The following MIPOL1 variants were observed in gnomAD, a reference collection of about 807,000 sequenced individuals.
The protein encoded by MIPOL1 is mirror-image polydactyly gene 1 protein.
Under a neutral mutation model 60.9 loss-of-function variants are expected in MIPOL1, and 57 were observed. The ratio of observed to expected loss-of-function variants is 0.94; its 90% CI spans 0.76 to 1.17. The LOEUF is 1.17. MIPOL1 is among the 50% of genes most tolerant of loss of function. MIPOL1 has a pLI of 0.00. For missense variants in MIPOL1, 551 were observed against 511.6 expected (o/e 1.08, Z -0.74); for synonymous variants, 179 against 168.8 (o/e 1.06, Z -0.47).
chr14:37,350,597 T>G (rs557486275), intron 9 of MIPOL1, among the ~76,000 whole-genome samples: 49 of 152,284 alleles, frequency 3.2e-4, no homozygotes, highest in Admixed American at 6.5e-4. Flanking sequence ...TTATATTCTT[T>G]TAGTTATTTT....
chr14:37,263,444 A>AT (rs1257825979), intron 3 of MIPOL1, among the ~76,000 whole-genome samples: 4 of 152,150 alleles, frequency 2.6e-5, no homozygotes, highest in Non-Finnish European at 4.4e-5. Context: ...CCATAATATC[A>AT]TTTTTCAGTT....
chr14:37,422,879 GC>G lies in MIPOL1; in HGVS notation c.963del (p.Arg322GlufsTer34). The G allele has an allele frequency of 6.2e-7, 1 of 1,607,578 alleles. No homozygotes were observed. Among genetic ancestry groups the G allele is most frequent in the Non-Finnish European group, 8.5e-7 (1 of 1,176,228 alleles). ...LKAKLLSMQQ[A>X]RETAVQQYKK... ...GGCAAAGTTGTTATCTATGCAACAAGCCAGAGAAACTGCAGTTCAACAGTAC... is the reference window on the plus strand; with the variant it reads ...GGCAAAGTTGTTATCTATGCAACAAGCAGAGAAACTGCAGTTCAACAGTAC... On this transcript the variant is annotated frameshift_variant, in exon 11 of 13. Coordinates refer to ENST00000684589, the MANE Select transcript of MIPOL1 (RefSeq NM_001388067.1). LOFTEE classifies it high-confidence loss of function.
At position 37,550,191 on chromosome 14, in the gene MIPOL1, GTTGC is replaced by G. The variant is rs1312170147; in HGVS notation, c.*3223_*3226del. ...ATAAATTCAGTCATCTTCTTATCAG[GTTGC>G]TTATTTATATAATTTGTTTATTTTA... is the stretch of plus-strand genomic sequence containing the variant. On this transcript the variant is annotated 3_prime_UTR_variant, in exon 13 of 13. Coordinates refer to ENST00000684589, the MANE Select transcript of MIPOL1 (RefSeq NM_001388067.1). 6.6e-6 allele frequency: 1 copy of G among 150,474 alleles called. No homozygotes were observed. Among genetic ancestry groups the G allele is most frequent in the Non-Finnish European group, 1.5e-5 (1 of 67,544 alleles). The allele number at this position is 150,474 out of a possible 1,614,324, so 9.3% of individuals were successfully genotyped here. A position where few individuals can be genotyped will look rare whatever the true frequency, so the allele number is the denominator to read the frequency against.
chr14:37,281,253 T>C (rs1174259659), intron 6 of MIPOL1, among the ~76,000 whole-genome samples: 1 of 152,240 alleles, frequency 6.6e-6, no homozygotes, highest in East Asian at 1.9e-4. Context: ...CACCATTTAT[T>C]GAAGAGATTG....
intron 1 of MIPOL1, among the ~76,000 whole-genome samples, chr14:37,234,361 CTT>C (rs3061899): frequency 6.7e-5 from 9 of 135,116 alleles, no homozygotes; most frequent in Admixed American, 7.5e-5. Flanking sequence ...CTTTTCTTTT[CTT>C]TTTTTTTTTT....
At chr14:37,365,565 G>T (rs1037045398) in intron 9 of MIPOL1, among the ~76,000 whole-genome samples, 1 of 152,062 alleles carries the variant, frequency 6.6e-6, no homozygotes, top group Non-Finnish European at 1.5e-5. Context: ...ATCCCACTTA[G>T]TCATGATGCA....
chr14:37,344,584 A>G (rs1456652697), intron 9 of MIPOL1, among the ~76,000 whole-genome samples: 1 of 152,134 alleles, frequency 6.6e-6, no homozygotes, highest in Non-Finnish European at 1.5e-5. Context: ...TGTTGTTAGC[A>G]AATCTCAATG....
intron 10 of MIPOL1, among the ~76,000 whole-genome samples, chr14:37,371,143 A>G (rs1255240630): frequency 2.7e-5 from 4 of 149,714 alleles, no homozygotes; most frequent in Non-Finnish European, 4.4e-5. Flanking sequence ...TTTTTTTGAG[A>G]CAGTCTTGCT....
chr14:37,321,462 C>T (rs2088566853), intron 9 of MIPOL1, among the ~76,000 whole-genome samples: 1 of 151,946 alleles, frequency 6.6e-6, no homozygotes, highest in Non-Finnish European at 1.5e-5. Flanking sequence ...ATAAGCTATA[C>T]TATTTCAATC....
chr14:37,549,625 G>A lies in MIPOL1; in HGVS notation c.*2654G>A, dbSNP rs2095556743. 6.6e-6 allele frequency: 1 copy of A among 151,710 alleles called. No individual in the cohort carries two copies. Among genetic ancestry groups the A allele is most frequent in the South Asian group, 2.1e-4 (1 of 4,810 alleles). 9.4% of individuals were successfully genotyped at this position (151,710 alleles called of 1,614,324 possible). On this transcript the variant is annotated 3_prime_UTR_variant, in exon 13 of 13. Transcript: ENST00000684589. ...ATTTCAAAGTAAAGATTTTACTCTT[G>A]CAATTTCTGTTGTGATAGTACCATC...
intron 1 of MIPOL1, among the ~76,000 whole-genome samples, chr14:37,222,468 C>T (rs1388759136): frequency 6.6e-6 from 1 of 151,696 alleles, no homozygotes; most frequent in Non-Finnish European, 1.5e-5. Context: ...CATGCAGCTC[C>T]TTCAGTATTT....
chr14:37,469,692 A>G (rs1278469101), intron 11 of MIPOL1, among the ~76,000 whole-genome samples: 2 of 152,228 alleles, frequency 1.3e-5, no homozygotes, highest in Non-Finnish European at 2.9e-5. Context: ...TGATCCAGCC[A>G]TGAGGGCTCT....
At chr14:37,304,704 G>C (rs112424475) in intron 7 of MIPOL1, among the ~76,000 whole-genome samples, 4 of 151,762 alleles carry the variant, frequency 2.6e-5, no homozygotes, top group Non-Finnish European at 5.9e-5. Flanking sequence ...GACTGATTTA[G>C]GGATAAATCA....
At chr14:37,350,399 T>A (rs1288695600) in intron 9 of MIPOL1, among the ~76,000 whole-genome samples, 4 of 151,894 alleles carry the variant, frequency 2.6e-5, no homozygotes, top group Non-Finnish European at 4.4e-5. Flanking sequence ...TCTTTTCTTT[T>A]CTTTTTCTTT....
intron 11 of MIPOL1, among the ~76,000 whole-genome samples, chr14:37,428,404 A>G (rs1336878699): frequency 6.6e-6 from 1 of 152,184 alleles, no homozygotes; most frequent in African/African-American, 2.4e-5. Flanking sequence ...CAGCCTGGGC[A>G]ACATGACCAA....
chr14:37,313,467 G>C (rs759424117), intron 9 of MIPOL1, among the ~76,000 whole-genome samples: 122 of 152,132 alleles, frequency 8.0e-4, no homozygotes, highest in Non-Finnish European at 1.6e-3. Context: ...TAATATTGTA[G>C]AGCTCTTCAT....
chr14:37,465,733 A>G (rs1017769533), intron 11 of MIPOL1, among the ~76,000 whole-genome samples: 4 of 152,110 alleles, frequency 2.6e-5, no homozygotes, highest in African/African-American at 4.8e-5. Context: ...AAGTCAGTCA[A>G]TCTTTAGTAA....
chr14:37,444,670 A>G (rs1416180373), intron 11 of MIPOL1, among the ~76,000 whole-genome samples: 5 of 152,156 alleles, frequency 3.3e-5, no homozygotes, highest in Non-Finnish European at 5.9e-5. Context: ...GAGTAAATGT[A>G]TATATAGATC....
At chr14:37,511,613 C>A (rs1393417129) in intron 12 of MIPOL1, among the ~76,000 whole-genome samples, 1 of 152,170 alleles carries the variant, frequency 6.6e-6, no homozygotes, top group Non-Finnish European at 1.5e-5. Flanking sequence ...TCGTTTCCAT[C>A]TACAAGTATG....
Sources: allele counts gnomAD v4.1 joint callset (sites outside exome capture counted in the v4.1 genomes callset), GRCh38; gene constraint gnomAD v4.1.1; transcripts MANE v1.5; gene names NCBI Gene and HGNC (gene_info 2026-07-23, HGNC 2026-07-21).